The following LARGE1 variants were observed in gnomAD, a reference collection of about 807,000 sequenced individuals.
LARGE1 encodes the protein xylosyl- and glucuronyltransferase LARGE1.
Under a neutral mutation model 87.6 loss-of-function variants are expected in LARGE1, and 43 were observed. That is an observed-to-expected ratio of 0.49 (90% confidence interval 0.38 to 0.63). The LOEUF (loss-of-function observed/expected upper bound fraction) is 0.63. Ranked by LOEUF, LARGE1 falls within the 30% of genes least tolerant of loss-of-function variation. LARGE1 has a pLI of 0.00. For missense variants in LARGE1, 802 were observed against 1,000.2 expected, an observed-to-expected ratio of 0.80 and a Z score of 2.67; for synonymous variants, 434 against 394.6, an observed-to-expected ratio of 1.10 and a Z score of -1.18.
chr22:33,513,028 G>A (rs757024884), intron 6 of LARGE1, among the ~76,000 whole-genome samples: 5 of 151,440 alleles, frequency 3.3e-5, no homozygotes, highest in African/African-American at 4.9e-5. Flanking sequence ...GGTGCCTAAT[G>A]CCTGAGGATC....
At chr22:33,869,200 C>T (rs1005761481) in intron 1 of LARGE1, among the ~76,000 whole-genome samples, 8 of 152,142 alleles carry the variant, frequency 5.3e-5, no homozygotes, top group African/African-American at 1.9e-4. Context: ...ATTTCTACTG[C>T]ATCCTCCTCT....
At chr22:33,680,577 G>A (rs2081734717) in intron 2 of LARGE1, among the ~76,000 whole-genome samples, 1 of 152,142 alleles carries the variant, frequency 6.6e-6, no homozygotes, top group African/African-American at 2.4e-5. Context: ...CCTTTGGGAA[G>A]GTCGTGAAAA....
chr22:33,529,440 T>C (rs1485343801), intron 6 of LARGE1, among the ~76,000 whole-genome samples: 2 of 152,220 alleles, frequency 1.3e-5, no homozygotes, highest in South Asian at 2.1e-4. Flanking sequence ...CCAATGGGGA[T>C]GCTAAAGCAA....
chr22:33,897,563 C>T (rs1348421030), intron 1 of LARGE1, among the ~76,000 whole-genome samples: 2 of 152,172 alleles, frequency 1.3e-5, no homozygotes, highest in South Asian at 2.1e-4. Flanking sequence ...AGATCTATCC[C>T]AGCTCAGCCA....
intron 2 of LARGE1, among the ~76,000 whole-genome samples, chr22:33,739,600 A>G (rs576649998): frequency 6.6e-6 from 1 of 152,248 alleles, no homozygotes; most frequent in African/African-American, 2.4e-5. Context: ...CAGGGAGGCT[A>G]AGGGAGGGAG....
At chr22:33,907,837 T>G (rs1321419676) in intron 1 of LARGE1, among the ~76,000 whole-genome samples, 1 of 152,112 alleles carries the variant, frequency 6.6e-6, no homozygotes, top group Non-Finnish European at 1.5e-5. Flanking sequence ...GACCTCGTGA[T>G]CCACCCGCCT....
chr22:33,743,424 G>C (rs1352581627), intron 2 of LARGE1, among the ~76,000 whole-genome samples: 1 of 152,016 alleles, frequency 6.6e-6, no homozygotes, highest in Non-Finnish European at 1.5e-5. Context: ...TCAAAACCTG[G>C]AGTCATCACT....
intron 13 of LARGE1, among the ~76,000 whole-genome samples, chr22:33,281,397 A>G (rs1053629938): frequency 6.6e-6 from 1 of 152,140 alleles, no homozygotes; most frequent in African/African-American, 2.4e-5. Flanking sequence ...TGGTTAAAAA[A>G]AAAAAAATTC....
intron 6 of LARGE1, among the ~76,000 whole-genome samples, chr22:33,445,897 G>A (rs550408753): frequency 1.3e-5 from 2 of 152,186 alleles, no homozygotes; most frequent in East Asian, 1.9e-4. Flanking sequence ...TGATTCATGT[G>A]CCTCAGCCTC....
intron 9 of LARGE1, among the ~76,000 whole-genome samples, chr22:33,353,419 G>A (rs1940587700): frequency 6.7e-6 from 1 of 150,170 alleles, no homozygotes; most frequent in East Asian, 1.9e-4. Context: ...TTTTGCCTTG[G>A]CAAAAATGGC....
chr22:33,782,700 A>C (rs1355164505), intron 1 of LARGE1, among the ~76,000 whole-genome samples: 1 of 152,008 alleles, frequency 6.6e-6, no homozygotes, highest in African/African-American at 2.4e-5. Flanking sequence ...CCCCGTCTCT[A>C]CTAAAAATAC....
At chr22:33,922,142 G>C (rs1342595659), upstream of LARGE1, among the ~76,000 whole-genome samples, 1 of 152,066 alleles carries the variant, frequency 6.6e-6, no homozygotes, top group East Asian at 1.9e-4. Flanking sequence ...TCCAGGACTC[G>C]AGCGAGGCAG....
At chr22:33,538,624 T>TAAA (rs1437865129) in intron 6 of LARGE1, among the ~76,000 whole-genome samples, 3 of 151,860 alleles carry the variant, frequency 2.0e-5, no homozygotes, top group Admixed American at 6.6e-5. Flanking sequence ...CAGAGATAAA[T>TAAA]AAAACAGGGC....
chr22:33,766,778 A>G (rs1292756623), intron 1 of LARGE1, among the ~76,000 whole-genome samples: 1 of 151,886 alleles, frequency 6.6e-6, no homozygotes, highest in African/African-American at 2.4e-5. Context: ...ATATAATGTG[A>G]TCACAAGTAT....
At chr22:33,442,933 C>G (rs2067534336) in intron 6 of LARGE1, among the ~76,000 whole-genome samples, 1 of 152,080 alleles carries the variant, frequency 6.6e-6, no homozygotes, top group Admixed American at 6.5e-5. Context: ...GCTGGGACTA[C>G]AGGCGCCCGC....
At chr22:33,741,739 A>C (rs184826531) in intron 2 of LARGE1, among the ~76,000 whole-genome samples, 55 of 152,362 alleles carry the variant, frequency 3.6e-4, no homozygotes, top group African/African-American at 1.3e-3. Flanking sequence ...GAGAAAGCAC[A>C]GGCCAAGCGC....
chr22:33,138,218 T>A, the LARGE1 span, among the ~76,000 whole-genome samples: 2 of 152,082 alleles, frequency 1.3e-5, no homozygotes, highest in South Asian at 2.1e-4. Context: ...TCAAAAGAGA[T>A]CATTTTGGAG....
intron 2 of LARGE1, 134 bp from the exon 3 acceptor site, chr22:33,650,802 G>A: frequency 1.0e-6 from 1 of 984,956 alleles, no homozygotes; most frequent in African/African-American, 1.6e-5. Context: ...CAGATGGAAA[G>A]TGAGTTACAA....
chr22:33,568,307 C>A (rs1410975094), intron 5 of LARGE1, among the ~76,000 whole-genome samples: 1 of 152,324 alleles, frequency 6.6e-6, no homozygotes, highest in Non-Finnish European at 1.5e-5. Context: ...CCAGTCAACC[C>A]TAACGGAAAC....
Sources: allele counts gnomAD v4.1 joint callset (sites outside exome capture counted in the v4.1 genomes callset), GRCh38; gene constraint gnomAD v4.1.1; transcripts MANE v1.5; gene names NCBI Gene and HGNC (gene_info 2026-07-23, HGNC 2026-07-21).